Variants in PAX1 observed in about 807,000 individuals in gnomAD.
PAX1 encodes paired box protein Pax-1.
A neutral mutation model predicts 35.6 loss-of-function variants in PAX1; 18 were observed. The ratio of observed to expected loss-of-function variants is 0.50; its 90% CI spans 0.35 to 0.75. PAX1 has a LOEUF of 0.75. Among genes scored for constraint, PAX1 ranks in the 30% least tolerant of loss-of-function variants. The pLI, the probability that PAX1 is intolerant of heterozygous loss-of-function variation, is 0.01. For synonymous variants in PAX1, 397 were observed against 305.2 expected (o/e 1.30, Z -3.14); for missense variants, 760 against 661.5 (o/e 1.15, Z -1.63).
Position 21,705,899 on chromosome 20 carries a change from G to C in PAX1, c.187G>C (p.Gly63Arg), listed in dbSNP as rs1177255175. The change falls in exon 1 of 5, where the codon GGC becomes CGC. Residue 63 changes from glycine (G) to arginine (R), a missense_variant. This residue lies in a region of PAX1 where 222 missense variants were observed against 153.0 expected (regional missense o/e 1.45). Coordinates refer to ENST00000613128, the MANE Select transcript of PAX1 (RefSeq NM_001257096.2). The part of the protein sequence containing the change: ...SGALPLCLSR[G>R]GGGAQALPDC... ...CGCCCTCCCTCTATGCCTCTCACGCGGCGGCGGCGGCGCCCAAGCTCTCCC... is the reference window on the plus strand; with the variant it reads ...CGCCCTCCCTCTATGCCTCTCACGCCGCGGCGGCGGCGCCCAAGCTCTCCC... The C allele has an allele frequency of 4.4e-6, 6 of 1,367,590 alleles. No homozygotes were observed. Among genetic ancestry groups the C allele is most frequent in the Non-Finnish European group, 5.7e-6 (6 of 1,058,356 alleles). The allele number at this position is 1,367,590 out of a possible 1,614,324, so 84.7% of individuals were successfully genotyped here.
intron 4 of PAX1, among the ~76,000 whole-genome samples, chr20:21,711,438 T>A (rs1486654029): frequency 6.6e-6 from 1 of 152,232 alleles, no homozygotes; most frequent in African/African-American, 2.4e-5. Context: ...TTGATTTTCT[T>A]TAGAAGACAC....
At chr20:21,714,444 C>T in intron 4 of PAX1, 27 bp from the exon 5 acceptor site, 1 of 1,526,262 alleles carries the variant, frequency 6.6e-7, no homozygotes, top group Non-Finnish European at 8.8e-7. Context: ...AGGTAGTGAT[C>T]CGACGCCTCT....
chr20:21,709,249 G>A lies in PAX1; in HGVS notation c.1087G>A (p.Gly363Ser). 6.2e-7 allele frequency: 1 copy of A among 1,606,608 alleles called. No individual in the cohort carries two copies. Among genetic ancestry groups the A allele is most frequent in the Non-Finnish European group, 8.5e-7 (1 of 1,179,696 alleles). Residue 363 changes from glycine to serine, a missense_variant, in exon 4 of 5, where the codon GGC becomes AGC. Around this residue, in one of 3 missense-constraint regions of PAX1, gnomAD observed 490 missense variants for 428.4 expected, o/e 1.14. Coordinates refer to ENST00000613128, the MANE Select transcript of PAX1 (RefSeq NM_001257096.2). ...QSASTLSAVGGFLPACAYPAS... is the reference protein window; with the variant it reads ...QSASTLSAVGSFLPACAYPAS... The stretch of plus-strand genomic sequence containing the variant: ...GGCCTCCACCCTCTCTGCCGTGGGC[G>A]GCTTTCTCCCCGCCTGCGCCTACCC...
At chr20:21,712,832 C>A (rs534922757) in intron 4 of PAX1, among the ~76,000 whole-genome samples, 2 of 152,194 alleles carry the variant, frequency 1.3e-5, no homozygotes, top group Non-Finnish European at 2.9e-5. Context: ...CCCCGGGGAT[C>A]CCTTCCCAGA....
intron 4 of PAX1, 70 bp from the exon 5 acceptor site, chr20:21,714,401 T>G (rs1208647496): frequency 8.5e-7 from 1 of 1,179,728 alleles, no homozygotes. Context: ...GCAGGCGTCC[T>G]GAGTCCCAGT....
Position 21,705,949 on chromosome 20 carries a change from C to T in PAX1, c.237C>T (p.Gly79=). 4.0e-6 allele frequency: 6 copies of T among 1,482,922 alleles called. No homozygotes were observed. Among genetic ancestry groups the T allele is most frequent in the East Asian group, 2.7e-5 (1 of 37,726 alleles). 91.9% of individuals were successfully genotyped at this position (1,482,922 alleles called of 1,614,324 possible). A position where few individuals can be genotyped will look rare whatever the true frequency, so the allele number is the denominator to read the frequency against. Residue 79 remains glycine (G), a synonymous_variant, in exon 1 of 5, where the codon GGC becomes GGT. Transcript: ENST00000613128. ...CGGACTGCGCCGGGCCCAGCCCCGG[C>T]CACCCCGGCCACCCCGGCGCCAGGC... is the stretch of plus-strand genomic sequence containing the variant. ...ALPDCAGPSP[G]HPGHPGARQL...
chr20:21,714,715 G>GC lies in PAX1; in HGVS notation c.*158dup. 3.1e-6 allele frequency: 5 copies of GC among 1,605,760 alleles called. No individual in the cohort carries two copies. The highest frequency in any genetic ancestry group is 3.4e-6 in the Non-Finnish European group (4 of 1,179,778). On this transcript the variant is annotated 3_prime_UTR_variant, in exon 5 of 5. Coordinates refer to ENST00000613128, the MANE Select transcript of PAX1 (RefSeq NM_001257096.2). ...GGCCCGCGGGGTGCACGCCCAGCCA[G>GC]CCCCCAGGCCCAGCCCTGCCTCTGG...
chr20:21,713,048 G>A (rs1985247434), intron 4 of PAX1, among the ~76,000 whole-genome samples: 1 of 152,236 alleles, frequency 6.6e-6, no homozygotes, highest in African/African-American at 2.4e-5. Context: ...GGCTTGGACA[G>A]GGCTAAAAAC....
chr20:21,706,285 C>T lies in PAX1; in HGVS notation c.287-153C>T, dbSNP rs532901433. On this transcript the variant is annotated intron_variant, in intron 1 of 4. Coordinates refer to ENST00000613128, the MANE Select transcript of PAX1 (RefSeq NM_001257096.2). The surrounding 1 kb of genome is among the most constrained non-coding windows in gnomAD (Gnocchi z 5.3). ...TTGCCCACTCCAAGCCAGACCCAGG[C>T]GGTTTGCCCTTGGACTCCGAGCTGT... 2.0e-6 allele frequency: 2 copies of T among 1,025,034 alleles called. No homozygotes were observed. Among genetic ancestry groups the T allele is most frequent in the Admixed American group, 1.9e-5 (1 of 53,074 alleles). The allele number at this position is 1,025,034 out of a possible 1,614,324, so 63.5% of individuals were successfully genotyped here. A position where few individuals can be genotyped will look rare whatever the true frequency, so the allele number is the denominator to read the frequency against.
intron 4 of PAX1, among the ~76,000 whole-genome samples, chr20:21,712,590 G>A (rs536086195): frequency 6.6e-6 from 1 of 152,296 alleles, no homozygotes; most frequent in South Asian, 2.1e-4. Context: ...GTCCCTCCTC[G>A]TGGGGCTCTG....
chr20:21,706,434 G>A lies in PAX1; in HGVS notation c.287-4G>A, dbSNP rs1392597027. On this transcript the variant is annotated splice_region_variant and splice_polypyrimidine_tract_variant and intron_variant, in intron 1 of 4. Coordinates refer to ENST00000613128, the MANE Select transcript of PAX1 (RefSeq NM_001257096.2). This position sits in a 1 kb window ranked among gnomAD's most constrained non-coding sequence, Gnocchi z 5.3. ...CGGCTCACTCTTGTCTGGCGCATCC[G>A]CAGAGCAGACGTATGGCGAGGTGAA... 2 of 1,611,296 alleles carry A rather than the reference G, an allele frequency of 1.2e-6. No individual in the cohort carries two copies. Among genetic ancestry groups the A allele is most frequent in the Non-Finnish European group, 8.5e-7 (1 of 1,179,672 alleles).
chr20:21,707,464 C>T (rs1985056203), intron 2 of PAX1, among the ~76,000 whole-genome samples: 1 of 152,158 alleles, frequency 6.6e-6, no homozygotes, highest in African/African-American at 2.4e-5. Context: ...CCCCCACTCC[C>T]AGGCCCAGTG....
intron 2 of PAX1, chr20:21,708,147 C>A: frequency 3.1e-6 from 1 of 321,056 alleles, no homozygotes; most frequent in Non-Finnish European, 6.0e-6. Context: ...AGGCAGTTCT[C>A]GTAGAATCGT....
At position 21,715,078 on chromosome 20, in the gene PAX1, G is replaced by T. The variant is rs1482474660; in HGVS notation, c.*516G>T. 5.3e-6 allele frequency: 3 copies of T among 565,124 alleles called. No homozygotes were observed. The highest frequency in any genetic ancestry group is 3.8e-5 in the African/African-American group (2 of 52,780). 35.0% of individuals were successfully genotyped at this position (565,124 alleles called of 1,614,324 possible). A position where few individuals can be genotyped will look rare whatever the true frequency, so the allele number is the denominator to read the frequency against. Reference sequence around the variant, plus strand: ...CTGCTCCAGTCCCGCTTCTTCCCCCGTCTCCTCTTTCTAGTCCTCTATATG... The same window carrying T: ...CTGCTCCAGTCCCGCTTCTTCCCCCTTCTCCTCTTTCTAGTCCTCTATATG... On this transcript the variant is annotated 3_prime_UTR_variant, in exon 5 of 5. Transcript: ENST00000613128.
rs1348085605 is a variant in PAX1 at position 21,708,679 on chromosome 20, G to A, written c.1038G>A (p.Glu346=). 12 of 1,613,496 alleles carry A rather than the reference G, an allele frequency of 7.4e-6. No individual in the cohort carries two copies. The East Asian group carries it at 1.6e-4, about 21-fold the overall frequency. ...AVNGLEKPAL[E]ADIKYTQSAS... ...ATGGGCTAGAGAAACCTGCCTTAGA[G>A]GCAGACATTAAATACACTCAGGTAA... Residue 346 remains glutamate (E), a synonymous_variant, in exon 3 of 5, where the codon GAG becomes GAA. Transcript: ENST00000613128.
rs1292674411 is a variant in PAX1 at position 21,705,961 on chromosome 20, C to T, written c.249C>T (p.His83=). ...GGCCCAGCCCCGGCCACCCCGGCCACCCCGGCGCCAGGCAGCTGGCCGGCC... is the reference window on the plus strand; with the variant it reads ...GGCCCAGCCCCGGCCACCCCGGCCATCCCGGCGCCAGGCAGCTGGCCGGCC... ...CAGPSPGHPG[H]PGARQLAGPL... Residue 83 remains histidine (H), a synonymous_variant, in exon 1 of 5, where the codon CAC becomes CAT. Transcript: ENST00000613128. The T allele has an allele frequency of 6.7e-7, 1 of 1,489,182 alleles. No individual in the cohort carries two copies. Among genetic ancestry groups the T allele is most frequent in the African/African-American group, 1.4e-5 (1 of 70,054 alleles). 92.2% of individuals were successfully genotyped at this position (1,489,182 alleles called of 1,614,324 possible).
chr20:21,705,925 G>A lies in PAX1; in HGVS notation c.213G>A (p.Pro71=). The A allele has an allele frequency of 4.8e-6, 7 of 1,464,460 alleles. No homozygotes were observed. Among genetic ancestry groups the A allele is most frequent in the Non-Finnish European group, 6.3e-6 (7 of 1,115,462 alleles). 90.7% of individuals were successfully genotyped at this position (1,464,460 alleles called of 1,614,324 possible). A position where few individuals can be genotyped will look rare whatever the true frequency, so the allele number is the denominator to read the frequency against. Reference sequence around the variant, plus strand: ...GCGGCGGCGGCGCCCAAGCTCTCCCGGACTGCGCCGGGCCCAGCCCCGGCC... The same window carrying A: ...GCGGCGGCGGCGCCCAAGCTCTCCCAGACTGCGCCGGGCCCAGCCCCGGCC... ...SRGGGGAQAL[P]DCAGPSPGHP... The change falls in exon 1 of 5, where the codon CCG becomes CCA. Residue 71 remains proline, a synonymous_variant. Transcript: ENST00000613128.
In PAX1 at chr20:21,717,252, G is replaced by A. The variant is rs1294624697; in HGVS notation, c.*2690G>A. On this transcript the variant is annotated 3_prime_UTR_variant, in exon 5 of 5. Transcript: ENST00000613128. The stretch of plus-strand genomic sequence containing the variant: ...CTGACATTTCATGTGGGGTGTGGAG[G>A]GACATACCCCCTCTCTCGCGGCTGG... 1.3e-5 allele frequency: 2 copies of A among 152,214 alleles called. No homozygotes were observed. Among genetic ancestry groups the A allele is most frequent in the Admixed American group, 6.5e-5 (1 of 15,280 alleles). The allele number at this position is 152,214 out of a possible 1,614,324, so 9.4% of individuals were successfully genotyped here.
Position 21,706,776 on chromosome 20 carries a change from T to C in PAX1, c.625T>C (p.Tyr209His). 1 of 1,613,440 alleles carries C rather than the reference T, an allele frequency of 6.2e-7. No individual in the cohort carries two copies. The highest frequency in any genetic ancestry group is 8.5e-7 in the Non-Finnish European group (1 of 1,180,024). Reference sequence around the variant, plus strand: ...GCTGGCCGACGGCGTCTGTGACAAGTACAATGTGCCTTCGGTGAGCTCCAT... The same window carrying C: ...GCTGGCCGACGGCGTCTGTGACAAGCACAATGTGCCTTCGGTGAGCTCCAT... ...RLLADGVCDK[Y>H]NVPSVSSISR... The change falls in exon 2 of 5, where the codon TAC (tyrosine) becomes CAC (histidine). Residue 209 changes from tyrosine to histidine, a missense_variant. By Grantham distance (83) the Tyr-to-His change is moderately conservative. This residue lies in a region of PAX1 where 490 missense variants were observed against 428.4 expected (regional missense o/e 1.14). Transcript: ENST00000613128. The surrounding 1 kb of genome is among the most constrained non-coding windows in gnomAD (Gnocchi z 5.3).
Sources: gnomAD v4.1 joint callset for allele counts (sites outside exome capture counted in the v4.1 genomes callset) on GRCh38, gnomAD v4.1.1 for gene constraint, gnomAD v4.1.1 regional missense constraint, Gnocchi (gnomAD v3.1) non-coding constraint, MANE v1.5 for transcripts, NCBI Gene and HGNC (gene_info 2026-07-23, HGNC 2026-07-21) for gene names.